LRP1B: variants seen among roughly 807,000 people sequenced by gnomAD.
LRP1B encodes low-density lipoprotein receptor-related protein 1B.
In LRP1B, 217 loss-of-function variants were observed where a neutral mutation model predicts 556.6. That is an observed-to-expected ratio of 0.39 (90% CI 0.35 to 0.44). The LOEUF is 0.44. Among genes scored for constraint, LRP1B ranks in the 20% least tolerant of loss-of-function variants. LRP1B has a pLI of 1.00. For synonymous variants in LRP1B, 2,047 were observed against 1,865.8 expected, an observed-to-expected ratio of 1.10 and a Z score of -2.50; for missense variants, 5,053 against 5,620.8, an observed-to-expected ratio of 0.90 and a Z score of 3.23.
chr2:140,444,053 A>C (rs1686545992), intron 65 of LRP1B, among the ~76,000 whole-genome samples: 1 of 152,162 alleles, frequency 6.6e-6, no homozygotes, highest in South Asian at 2.1e-4. Context: ...GCCATGTTTT[A>C]TTTGGTGCTT....
At chr2:141,608,692 A>C (rs1688004236) in intron 2 of LRP1B, among the ~76,000 whole-genome samples, 1 of 152,220 alleles carries the variant, frequency 6.6e-6, no homozygotes, top group Non-Finnish European at 1.5e-5. Flanking sequence ...CACTTAATTT[A>C]TTATAAGTAT....
chr2:141,954,567 T>C (rs1701197774), intron 1 of LRP1B, among the ~76,000 whole-genome samples: 1 of 152,154 alleles, frequency 6.6e-6, no homozygotes, highest in Non-Finnish European at 1.5e-5. Flanking sequence ...TTTCTGTGAA[T>C]ATTAAACATA....
intron 60 of LRP1B, among the ~76,000 whole-genome samples, chr2:140,464,374 ATATTAGAT>A (rs1377970645): frequency 1.3e-5 from 2 of 152,130 alleles, no homozygotes; most frequent in Non-Finnish European, 2.9e-5. Context: ...TAGATTAGGA[ATATTAGAT>A]TTAACATCAT....
chr2:141,102,618 AAAAATATTT>A (rs1194510977), intron 7 of LRP1B, among the ~76,000 whole-genome samples: 2 of 152,084 alleles, frequency 1.3e-5, no homozygotes, highest in Non-Finnish European at 2.9e-5. Context: ...ATTTGTTGAG[AAAAATATTT>A]AAAAAGGCAC....
At chr2:142,034,181 G>T (rs1703798580) in intron 1 of LRP1B, among the ~76,000 whole-genome samples, 1 of 151,600 alleles carries the variant, frequency 6.6e-6, no homozygotes, top group Non-Finnish European at 1.5e-5. Context: ...TATCTAATCA[G>T]TTCTATGTAT....
At chr2:141,660,453 T>C (rs1357847787) in intron 2 of LRP1B, among the ~76,000 whole-genome samples, 2 of 151,970 alleles carry the variant, frequency 1.3e-5, no homozygotes, top group African/African-American at 2.4e-5. Flanking sequence ...GCGGCAGCCA[T>C]CACTACAGCT....
chr2:140,321,999 A>G lies in LRP1B; in HGVS notation c.12604T>C (p.Leu4202=), dbSNP rs1161841879. 1 of 1,613,096 alleles carries G rather than the reference A, an allele frequency of 6.2e-7. No individual in the cohort carries two copies. The highest frequency in any genetic ancestry group is 1.3e-5 in the African/African-American group (1 of 74,850). Residue 4202 remains leucine (L), a synonymous_variant, in exon 82 of 91, where the codon TTG becomes CTG. Coordinates refer to ENST00000389484, the MANE Select transcript of LRP1B (RefSeq NM_018557.3). ...TCATCATTGCAGGTGCCATTAATCA[A>G]ATATTTTCCTTCTGGACACACACAA... ...ATCVCPEGKY[L]INGTCNDDSL... is the part of the protein sequence containing the mutation.
At chr2:141,454,458 CT>C (rs1681552637) in intron 3 of LRP1B, among the ~76,000 whole-genome samples, 1 of 152,140 alleles carries the variant, frequency 6.6e-6, no homozygotes, top group Non-Finnish European at 1.5e-5. Context: ...CCCTACTCAG[CT>C]ACTATGGGCC....
chr2:140,285,100 T>C (rs1444850513), intron 84 of LRP1B, among the ~76,000 whole-genome samples: 3 of 150,100 alleles, frequency 2.0e-5, no homozygotes, highest in African/African-American at 7.3e-5. Flanking sequence ...TATCTCTCTC[T>C]CTATATATAT....
At chr2:141,766,685 A>G (rs1457830594) in intron 2 of LRP1B, among the ~76,000 whole-genome samples, 1 of 152,158 alleles carries the variant, frequency 6.6e-6, no homozygotes, top group East Asian at 1.9e-4. Context: ...ACCTGCTTGG[A>G]TGATTACAAG....
chr2:141,159,238 T>C (rs935295515), intron 7 of LRP1B, among the ~76,000 whole-genome samples: 1 of 152,210 alleles, frequency 6.6e-6, no homozygotes, highest in Non-Finnish European at 1.5e-5. Flanking sequence ...ATCTTCTTCA[T>C]TTACTTTTTG....
chr2:140,631,457 G>C (rs1179432771), intron 41 of LRP1B, among the ~76,000 whole-genome samples: 4 of 152,186 alleles, frequency 2.6e-5, no homozygotes, highest in African/African-American at 9.6e-5. Flanking sequence ...TAAGCACAGA[G>C]ATGGAAACTA....
chr2:141,434,539 G>A (rs1680682236), intron 3 of LRP1B, among the ~76,000 whole-genome samples: 1 of 151,980 alleles, frequency 6.6e-6, no homozygotes, highest in Non-Finnish European at 1.5e-5. Flanking sequence ...GTCTCCAAAC[G>A]TATTTTTAAG....
intron 66 of LRP1B, among the ~76,000 whole-genome samples, chr2:140,419,839 C>G (rs1338044587): frequency 6.6e-6 from 1 of 151,898 alleles, no homozygotes; most frequent in Non-Finnish European, 1.5e-5. Flanking sequence ...GAAACCCTGT[C>G]TTTAATAAAA....
intron 1 of LRP1B, among the ~76,000 whole-genome samples, chr2:141,962,432 T>C (rs1701427634): frequency 6.6e-6 from 1 of 151,826 alleles, no homozygotes; most frequent in Non-Finnish European, 1.5e-5. Context: ...ACCATAGCTT[T>C]ATAATTAGCC....
chr2:142,126,397 A>C (rs1033756032), intron 1 of LRP1B, among the ~76,000 whole-genome samples: 1 of 151,790 alleles, frequency 6.6e-6, no homozygotes, highest in South Asian at 2.1e-4. Context: ...AAGGAAAGCC[A>C]TTTTAAAGCA....
chr2:140,493,471 T>C (rs1051428613), intron 56 of LRP1B, among the ~76,000 whole-genome samples: 29 of 152,300 alleles, frequency 1.9e-4, no homozygotes, highest in African/African-American at 6.3e-4. Context: ...GATTTTCTTT[T>C]CTATTTATTT....
At chr2:140,568,035 G>T (rs540442412) in intron 43 of LRP1B, among the ~76,000 whole-genome samples, 1 of 151,870 alleles carries the variant, frequency 6.6e-6, no homozygotes, top group Non-Finnish European at 1.5e-5. Context: ...TCCACCAGAA[G>T]CACAGACAAC....
intron 2 of LRP1B, among the ~76,000 whole-genome samples, chr2:141,558,556 A>G (rs1296007122): frequency 6.6e-6 from 1 of 151,870 alleles, no homozygotes; most frequent in East Asian, 1.9e-4. Flanking sequence ...GTAGCCCTAC[A>G]GAGCATATTA....
Sources: allele counts gnomAD v4.1 joint callset (sites outside exome capture counted in the v4.1 genomes callset), GRCh38; gene constraint gnomAD v4.1.1; transcripts MANE v1.5; gene names NCBI Gene and HGNC (gene_info 2026-07-23, HGNC 2026-07-21).